The following CYRIB variants were observed in gnomAD, a reference collection of about 807,000 sequenced individuals.
The protein encoded by CYRIB is CYFIP related Rac1 interactor B.
CYRIB carries 8 observed loss-of-function variants against 44.2 expected under a neutral mutation model. The observed-to-expected ratio is 0.18, with a 90% CI of 0.11 to 0.33. The LOEUF is 0.33. Ranked by LOEUF, CYRIB falls within the 10% of genes least tolerant of loss-of-function variation. The pLI is 1.00. For synonymous variants in CYRIB, 131 were observed against 127.2 expected (o/e 1.03, Z -0.20); for missense variants, 185 against 382.8 (o/e 0.48, Z 4.31).
chr8:129,977,376 C>T (rs1220382143), intron 1 of CYRIB, among the ~76,000 whole-genome samples: 1 of 152,134 alleles, frequency 6.6e-6, no homozygotes, highest in Non-Finnish European at 1.5e-5. Flanking sequence ...CAAAGTCTGC[C>T]ATGTCATGTT....
rs888524818 is a variant in CYRIB at position 129,946,899 on chromosome 8, T to A, written c.-243+24044A>T. 2.0e-5 allele frequency among the ~76,000 whole-genome samples: 3 copies of A among 152,266 alleles called. No individual in the cohort carries two copies. In the East Asian group the frequency reaches 5.8e-4, roughly 29 times the overall value. ...TTTCCAGTCTCTTCACTTGGCTGTT[T>A]GTCAGCCTTCGGATTCAAAGCAGTT... On this transcript the variant is annotated intron_variant, in intron 2 of 14. Coordinates refer to the CYRIB transcript ENST00000401979.
intron 2 of CYRIB, among the ~76,000 whole-genome samples, chr8:129,967,621 C>T (rs1053209142): frequency 3.9e-5 from 6 of 152,112 alleles, no homozygotes; most frequent in Admixed American, 6.5e-5. Context: ...CCTCATGATC[C>T]GCCTGCCTCA....
chr8:129,935,678 T>C (rs998645142), intron 1 of CYRIB, among the ~76,000 whole-genome samples: 2 of 152,154 alleles, frequency 1.3e-5, no homozygotes, highest in Non-Finnish European at 2.9e-5. Flanking sequence ...AACTAAAATA[T>C]ACCAAGAAGA....
intron 1 of CYRIB, among the ~76,000 whole-genome samples, chr8:129,996,100 G>A (rs1420551522): frequency 6.6e-6 from 1 of 152,190 alleles, no homozygotes; most frequent in Non-Finnish European, 1.5e-5. Flanking sequence ...CAGTTTGTAA[G>A]ACACTTTTAC....
chr8:129,926,879 A>G (rs4733750), intron 1 of CYRIB, among the ~76,000 whole-genome samples: 8,985 of 152,294 alleles, frequency 0.059, 482 homozygotes, highest in East Asian at 0.26. Context: ...TTAATCTAAT[A>G]CTCAAGAGCA....
intron 7 of CYRIB, among the ~76,000 whole-genome samples, chr8:129,853,099 G>C (rs929699612): frequency 1.3e-5 from 2 of 152,144 alleles, no homozygotes; most frequent in Non-Finnish European, 2.9e-5. Context: ...GAGATGGAAA[G>C]GGGGATGGAG....
At chr8:129,912,071 A>G (rs911452506) in intron 1 of CYRIB, among the ~76,000 whole-genome samples, 1 of 152,242 alleles carries the variant, frequency 6.6e-6, no homozygotes, top group Non-Finnish European at 1.5e-5. Context: ...GTTAAAAGAA[A>G]GAATTTTTAG....
At chr8:129,858,536 C>A (rs1313518667) in intron 5 of CYRIB, among the ~76,000 whole-genome samples, 1 of 152,136 alleles carries the variant, frequency 6.6e-6, no homozygotes, top group Non-Finnish European at 1.5e-5. Flanking sequence ...AGACAACAGT[C>A]GTTTATTCTC....
At chr8:129,851,978 G>A (rs1169857041) in intron 8 of CYRIB, 184 bp downstream of exon 10, 4 of 396,614 alleles carry the variant, frequency 1.0e-5, no homozygotes, top group Non-Finnish European at 1.3e-5. Flanking sequence ...CATCCCTCCA[G>A]AGAAACTGCA....
chr8:129,958,483 GT>G lies in CYRIB; in HGVS notation c.-243+12459del, dbSNP rs1270461749. ...ACATAAACTCTTTACCAAAAAAACTGTATTCTGTATTTTGAAGGCACAAGTT... is the reference window on the plus strand; with the variant it reads ...ACATAAACTCTTTACCAAAAAAACTGATTCTGTATTTTGAAGGCACAAGTT... On this transcript the variant is annotated intron_variant, in intron 2 of 14. Transcript: ENST00000401979. Among the ~76,000 whole-genome samples, 7 of 152,220 alleles carry G rather than the reference GT, an allele frequency of 4.6e-5. No individual in the cohort carries two copies. In the East Asian group the frequency reaches 1.4e-3, roughly 29 times the overall value.
chr8:129,873,194 A>AT (rs1167917464), intron 3 of CYRIB, among the ~76,000 whole-genome samples: 4 of 151,948 alleles, frequency 2.6e-5, no homozygotes, highest in Non-Finnish European at 5.9e-5. Flanking sequence ...TTCAGAAATC[A>AT]TTTTTTAGGA....
chr8:129,930,554 A>T (rs532985759), intron 1 of CYRIB, among the ~76,000 whole-genome samples: 36 of 151,756 alleles, frequency 2.4e-4, no homozygotes, highest in African/African-American at 8.7e-4. Flanking sequence ...ATGTTAATAG[A>T]CTACTAAGAG....
intron 4 of CYRIB, 121 bp from the exon 7 acceptor site, chr8:129,862,455 A>C: frequency 5.0e-6 from 4 of 792,130 alleles, no homozygotes; most frequent in Non-Finnish European, 8.1e-6. Flanking sequence ...AATATAGAAT[A>C]TTGAATCTAG....
intron 1 of CYRIB, among the ~76,000 whole-genome samples, chr8:129,931,927 C>G (rs2091546870): frequency 6.6e-6 from 1 of 151,506 alleles, no homozygotes; most frequent in Non-Finnish European, 1.5e-5. Context: ...ATGCCTGGCA[C>G]TTCTTTAAAT....
At chr8:130,005,436 C>G (rs2097031903) in intron 1 of CYRIB, among the ~76,000 whole-genome samples, 1 of 152,176 alleles carries the variant, frequency 6.6e-6, no homozygotes, top group African/African-American at 2.4e-5. Flanking sequence ...GGCCTGGTCC[C>G]TCCTTCTTTA....
At chr8:129,931,857 C>A (rs1277613462) in intron 1 of CYRIB, among the ~76,000 whole-genome samples, 2 of 151,994 alleles carry the variant, frequency 1.3e-5, no homozygotes, top group African/African-American at 4.8e-5. Flanking sequence ...AAACTCCTGG[C>A]CTCAAGTGAT....
At chr8:129,987,535 C>A in intron 1 of CYRIB, among the ~76,000 whole-genome samples, 1 of 149,922 alleles carries the variant, frequency 6.7e-6, no homozygotes, top group Admixed American at 6.7e-5. Flanking sequence ...CACCTCCCAC[C>A]TTTTCTTTTC....
At chr8:129,846,942 GTAAAATAAATCAAGACCATAA>G (rs1563983636) in intron 10 of CYRIB, 68 bp from the exon 13 acceptor site, 37 of 872,116 alleles carry the variant, frequency 4.2e-5, no homozygotes, top group Non-Finnish European at 1.1e-5. Flanking sequence ...TTTCAAAATA[GTAAAATAAATCAAGACCATAA>G]CTATGGAACT....
At chr8:129,903,092 A>C (rs1282373337) in intron 2 of CYRIB, 1 of 152,300 alleles carries the variant, frequency 6.6e-6, no homozygotes, top group East Asian at 1.9e-4. Context: ...CTAAAGAAAG[A>C]AAGCTGTTAA....
Sources: allele counts gnomAD v4.1 joint callset (sites outside exome capture counted in the v4.1 genomes callset), GRCh38; gene constraint gnomAD v4.1.1; transcripts MANE v1.5; gene names NCBI Gene and HGNC (gene_info 2026-07-23, HGNC 2026-07-21).